Variants in MCTP2 observed in about 807,000 individuals in gnomAD.
MCTP2 encodes multiple C2 and transmembrane domain-containing protein 2.
In MCTP2, 132 loss-of-function variants were observed where a neutral mutation model predicts 111.6. The ratio of observed to expected loss-of-function variants is 1.18; its 90% CI spans 1.03 to 1.37. The LOEUF (loss-of-function observed/expected upper bound fraction) is 1.37, where lower values mean the gene tolerates loss of function less well. Ranked by LOEUF, MCTP2 falls within the 40% of genes most tolerant of loss-of-function variation. The pLI, the probability that MCTP2 is intolerant of heterozygous loss-of-function variation, is 0.00. For missense variants in MCTP2, 1,183 were observed against 1,067.9 expected (o/e 1.11, Z -1.50); for synonymous variants, 395 against 387.7 (o/e 1.02, Z -0.22).
intron 14 of MCTP2, among the ~76,000 whole-genome samples, chr15:94,390,700 G>A (rs1423144692): frequency 2.0e-5 from 3 of 150,078 alleles, no homozygotes; most frequent in Non-Finnish European, 3.0e-5. Flanking sequence ...GCAGTTTGAT[G>A]AAGACCTGCA....
chr15:94,447,392 GTGTT>G (rs1285115052), intron 19 of MCTP2, among the ~76,000 whole-genome samples: 32 of 152,174 alleles, frequency 2.1e-4, no homozygotes, highest in East Asian at 1.2e-3. Flanking sequence ...TGTGTGTGTT[GTGTT>G]TGTTTGTTTG....
intron 10 of MCTP2, among the ~76,000 whole-genome samples, chr15:94,359,232 G>T (rs2078790499): frequency 6.6e-6 from 1 of 152,168 alleles, no homozygotes; most frequent in Non-Finnish European, 1.5e-5. Flanking sequence ...CAGAAGCACA[G>T]ATCATCTCTG....
intron 17 of MCTP2, among the ~76,000 whole-genome samples, chr15:94,436,909 A>G (rs1053012905): frequency 1.3e-5 from 2 of 152,126 alleles, no homozygotes; most frequent in African/African-American, 4.8e-5. Context: ...ATAGGTAACA[A>G]ACAGGAAAAT....
At chr15:94,439,502 T>G (rs2083657672) in intron 17 of MCTP2, among the ~76,000 whole-genome samples, 1 of 152,182 alleles carries the variant, frequency 6.6e-6, no homozygotes. Flanking sequence ...TCCTAATTAG[T>G]GTGTTTCTTG....
At chr15:94,325,172 T>C (rs2152381723) in intron 4 of MCTP2, among the ~76,000 whole-genome samples, 1 of 152,122 alleles carries the variant, frequency 6.6e-6, no homozygotes, top group Middle Eastern at 3.4e-3. Flanking sequence ...CCACCGGAGT[T>C]TGGATTCTAG....
chr15:94,325,538 C>T (rs35920993), intron 4 of MCTP2, among the ~76,000 whole-genome samples: 61,400 of 151,612 alleles, frequency 0.4, 13,600 homozygotes, highest in East Asian at 0.6. Flanking sequence ...AAGTTCCTCC[C>T]CCTGCCGCCA....
At chr15:94,300,957 G>A (rs2075580180) in intron 2 of MCTP2, among the ~76,000 whole-genome samples, 1 of 152,144 alleles carries the variant, frequency 6.6e-6, no homozygotes, top group South Asian at 2.1e-4. Flanking sequence ...AAGGGTGTGG[G>A]CTGGTCCATG....
At chr15:94,467,033 TTAAA>T (rs1303870703) in intron 20 of MCTP2, among the ~76,000 whole-genome samples, 1 of 152,318 alleles carries the variant, frequency 6.6e-6, no homozygotes, top group South Asian at 2.1e-4. Context: ...CTAACACTTA[TTAAA>T]TAGTGACTAT....
At chr15:94,410,755 A>G (rs1309258201) in intron 17 of MCTP2, among the ~76,000 whole-genome samples, 1 of 152,230 alleles carries the variant, frequency 6.6e-6, no homozygotes, top group Non-Finnish European at 1.5e-5. Flanking sequence ...TAGGCATCTA[A>G]TCAATGCTTC....
intron 19 of MCTP2, among the ~76,000 whole-genome samples, chr15:94,443,992 A>AAC (rs1000636836): frequency 2.7e-5 from 4 of 145,726 alleles, no homozygotes; most frequent in Non-Finnish European, 6.2e-5. Flanking sequence ...AAAAAAAAAA[A>AAC]AAAAAAAAAA....
At chr15:94,346,996 A>G (rs184372182) in intron 8 of MCTP2, among the ~76,000 whole-genome samples, 4 of 152,232 alleles carry the variant, frequency 2.6e-5, no homozygotes, top group African/African-American at 9.6e-5. Context: ...CATCCCGAGT[A>G]TACATGTTTA....
intron 2 of MCTP2, among the ~76,000 whole-genome samples, chr15:94,311,522 C>G (rs772609974): frequency 5.3e-5 from 8 of 152,116 alleles, no homozygotes; most frequent in Non-Finnish European, 1.2e-4. Context: ...GGGGGAATAT[C>G]CAAAGTTATG....
intron 4 of MCTP2, among the ~76,000 whole-genome samples, chr15:94,327,708 A>G (rs943556878): frequency 3.9e-5 from 6 of 152,214 alleles, no homozygotes; most frequent in Non-Finnish European, 7.3e-5. Flanking sequence ...GTCCTGCAGT[A>G]AGTGATTAGA....
intron 8 of MCTP2, among the ~76,000 whole-genome samples, chr15:94,347,892 A>G (rs2039656234): frequency 7.7e-6 from 1 of 129,076 alleles, no homozygotes; most frequent in Non-Finnish European, 1.7e-5. Context: ...TCTCACACAC[A>G]CACAGACATA....
chr15:94,327,278 A>G (rs186007611), intron 4 of MCTP2, among the ~76,000 whole-genome samples: 1 of 152,214 alleles, frequency 6.6e-6, no homozygotes, highest in Admixed American at 6.5e-5. Flanking sequence ...CCAGAGTAGG[A>G]ACTGAGTTTT....
At chr15:94,412,422 T>A (rs1362989714) in intron 17 of MCTP2, among the ~76,000 whole-genome samples, 1 of 152,124 alleles carries the variant, frequency 6.6e-6, no homozygotes, top group Non-Finnish European at 1.5e-5. Context: ...TACCTCGTGC[T>A]CACTTGACTG....
At chr15:94,261,657 G>A (rs1444611188) in intron 1 of MCTP2, among the ~76,000 whole-genome samples, 1 of 152,122 alleles carries the variant, frequency 6.6e-6, no homozygotes, top group African/African-American at 2.4e-5. Context: ...TGAAAACCAG[G>A]CATATGTAGT....
At position 94,331,495 on chromosome 15, in the gene MCTP2, G is replaced by T. The variant is rs571462102; in HGVS notation, c.638-7795G>T. 1.8e-4 allele frequency among the ~76,000 whole-genome samples: 27 copies of T among 152,222 alleles called. No homozygotes were observed. The East Asian group carries it at 5.0e-3, about 28-fold the overall frequency. On this transcript the variant is annotated intron_variant, in intron 4 of 22. Coordinates refer to ENST00000357742, the MANE Select transcript of MCTP2 (RefSeq NM_001385001.1). The stretch of plus-strand genomic sequence containing the variant: ...GATGGTATGGGGTGGGGCTGAGGAA[G>T]TTCAGGGGGGCTGTGGTGCAGGGAA...
chr15:94,235,181 G>A (rs1410639128), intron 1 of MCTP2, among the ~76,000 whole-genome samples: 1 of 151,860 alleles, frequency 6.6e-6, no homozygotes, highest in Non-Finnish European at 1.5e-5. Flanking sequence ...AACTTGGGAG[G>A]CGGAGGTTGC....
Sources: gnomAD v4.1 joint callset for allele counts (sites outside exome capture counted in the v4.1 genomes callset) on GRCh38, gnomAD v4.1.1 for gene constraint, MANE v1.5 for transcripts, NCBI Gene and HGNC (gene_info 2026-07-23, HGNC 2026-07-21) for gene names.